TLR6: variants seen among roughly 807,000 people sequenced by gnomAD.
TLR6 encodes the protein toll-like receptor 6.
TLR6 carries 9 observed loss-of-function variants against 16.1 expected under a neutral mutation model. The observed-to-expected ratio is 0.56, with a 90% CI of 0.34 to 0.98. The LOEUF (loss-of-function observed/expected upper bound fraction) is 0.98. Among genes scored for constraint, TLR6 ranks in the 50% least tolerant of loss-of-function variants. TLR6 has a pLI of 0.02. For synonymous variants in TLR6, 340 were observed against 338.6 expected (o/e 1.00, Z -0.04); for missense variants, 786 against 921.0 (o/e 0.85, Z 1.90).
chr4:38,829,132 C>A, exon 2 of TLR6: 1 of 1,614,056 alleles, frequency 6.2e-7, no homozygotes, highest in Non-Finnish European at 8.5e-7. Context: ...GGCAGGATAT[C>A]TTTTGCAACT....
At chr4:38,844,958 C>T (rs960773049) in intron 1 of TLR6, among the ~76,000 whole-genome samples, 19 of 152,088 alleles carry the variant, frequency 1.2e-4, no homozygotes, top group African/African-American at 4.6e-4. Context: ...ACTTTGGGGG[C>T]TGAGGCAAGA....
upstream of TLR6, among the ~76,000 whole-genome samples, chr4:38,860,932 G>A (rs1400215515): frequency 1.3e-5 from 2 of 152,130 alleles, no homozygotes; most frequent in South Asian, 2.1e-4. Flanking sequence ...CCGGGCATAC[G>A]TTTTATTTTG....
At chr4:38,862,052 T>C in the TLR6 span, among the ~76,000 whole-genome samples, 1 of 152,204 alleles carries the variant, frequency 6.6e-6, no homozygotes, top group East Asian at 1.9e-4. Context: ...AAATAGATGC[T>C]ACCAGAGGAG....
the TLR6 span, among the ~76,000 whole-genome samples, chr4:38,863,266 C>G: frequency 3.9e-5 from 6 of 152,174 alleles, no homozygotes; most frequent in Non-Finnish European, 8.8e-5. Context: ...CCCACTCTCC[C>G]TTCCCTGAAT....
chr4:38,855,452 A>G (rs1194469481), intron 1 of TLR6, among the ~76,000 whole-genome samples: 4 of 152,158 alleles, frequency 2.6e-5, no homozygotes, highest in Non-Finnish European at 1.5e-5. Context: ...AGTTATCGTA[A>G]GGCAATTTAA....
rs371553478 is a variant in TLR6 at position 38,841,877 on chromosome 4, T to G, written c.-64-12340A>C. 7.2e-5 allele frequency among the ~76,000 whole-genome samples: 11 copies of G among 152,350 alleles called. No homozygotes were observed. In the East Asian group the frequency reaches 1.7e-3, roughly 24 times the overall value. On this transcript the variant is annotated intron_variant, in intron 1 of 1. Coordinates refer to ENST00000436693, the Ensembl canonical transcript of TLR6. ...GTTCATGCTTGCAAAAATATGTACG[T>G]CATTATTGTTTATTTTATTTGTAAA...
intron 1 of TLR6, among the ~76,000 whole-genome samples, chr4:38,845,358 C>T (rs7687447): frequency 6.6e-6 from 1 of 152,040 alleles, no homozygotes; most frequent in Non-Finnish European, 1.5e-5. Context: ...GGTGAATATG[C>T]TATGTTACAT....
At chr4:38,859,946 A>T (rs1456809850), upstream of TLR6, among the ~76,000 whole-genome samples, 1 of 152,114 alleles carries the variant, frequency 6.6e-6, no homozygotes, top group Non-Finnish European at 1.5e-5. Context: ...TTTTTAAAAA[A>T]TAGTGTCACA....
At chr4:38,858,618 G>T (rs1026261554), upstream of TLR6, among the ~76,000 whole-genome samples, 9 of 151,894 alleles carry the variant, frequency 5.9e-5, no homozygotes, top group Non-Finnish European at 1.0e-4. Context: ...TACTCGGGAG[G>T]CTGAAGCAGG....
intron 1 of TLR6, among the ~76,000 whole-genome samples, chr4:38,847,178 T>C (rs73811219): frequency 0.031 from 4,747 of 152,240 alleles, 218 homozygotes; most frequent in African/African-American, 0.087. Flanking sequence ...TAAATACAAC[T>C]ATAGGTATTT....
chr4:38,863,388 T>A, the TLR6 span, among the ~76,000 whole-genome samples: 1 of 152,106 alleles, frequency 6.6e-6, no homozygotes, highest in African/African-American at 2.4e-5. Flanking sequence ...CTCCATGCAC[T>A]CTCATCCTGG....
the TLR6 span, among the ~76,000 whole-genome samples, chr4:38,864,937 G>A: frequency 2.6e-5 from 4 of 152,172 alleles, no homozygotes; most frequent in Admixed American, 2.6e-4. Flanking sequence ...TGGAGCCCAG[G>A]AGTCTGAGGC....
chr4:38,843,954 GT>G, intron 1 of TLR6, among the ~76,000 whole-genome samples: 1 of 152,346 alleles, frequency 6.6e-6, no homozygotes, highest in Middle Eastern at 3.4e-3. Context: ...TCCTCTCTCT[GT>G]CTCTGATTCA....
intron 1 of TLR6, among the ~76,000 whole-genome samples, chr4:38,836,408 A>G (rs573642681): frequency 4.1e-4 from 63 of 152,212 alleles, no homozygotes; most frequent in Non-Finnish European, 7.1e-4. Context: ...GGATATATAC[A>G]ACCTACCAAA....
At chr4:38,865,100 T>C in the TLR6 span, among the ~76,000 whole-genome samples, 3 of 152,148 alleles carry the variant, frequency 2.0e-5, no homozygotes, top group Non-Finnish European at 2.9e-5. Context: ...ATGGAAGGGA[T>C]AGGGTTTCAA....
the TLR6 span, chr4:38,868,200 A>G: frequency 5.3e-6 from 1 of 189,470 alleles, no homozygotes; most frequent in Non-Finnish European, 1.2e-5. Flanking sequence ...TCCTGGCACC[A>G]AGCAAGTCTG....
the TLR6 span, among the ~76,000 whole-genome samples, chr4:38,866,680 T>C: frequency 6.6e-6 from 1 of 151,860 alleles, no homozygotes; most frequent in African/African-American, 2.4e-5. Flanking sequence ...TTATAATATA[T>C]AATAAATAGG....
At chr4:38,867,765 C>T in the TLR6 span, 1 of 151,522 alleles carries the variant, frequency 6.6e-6, no homozygotes, top group Middle Eastern at 3.4e-3. Flanking sequence ...GGCCGCGTCC[C>T]CGCCGGCCCT....
intron 1 of TLR6, among the ~76,000 whole-genome samples, chr4:38,838,996 GGA>G (rs980127753): frequency 1.6e-4 from 22 of 135,968 alleles, no homozygotes; most frequent in African/African-American, 5.6e-4. Flanking sequence ...GGAGAGAGGG[GGA>G]GAGAGAGAAG....
Sources: allele counts gnomAD v4.1 joint callset (sites outside exome capture counted in the v4.1 genomes callset), GRCh38; gene constraint gnomAD v4.1.1; transcripts MANE v1.5; gene names NCBI Gene and HGNC (gene_info 2026-07-23, HGNC 2026-07-21).